KCNH1: variants seen among roughly 807,000 people sequenced by gnomAD.
KCNH1 encodes the protein potassium voltage-gated channel subfamily H member 1.
Under a neutral mutation model 69.2 loss-of-function variants are expected in KCNH1, and 27 were observed. The observed-to-expected ratio is 0.39, with a 90% CI of 0.29 to 0.54. The LOEUF is 0.54. KCNH1 is among the 20% of genes least tolerant of loss of function. The probability of loss-of-function intolerance (pLI) is 0.68; values close to 1 mark genes in which losing one functional copy is unlikely to be tolerated. For synonymous variants in KCNH1, 456 were observed against 487.7 expected, an observed-to-expected ratio of 0.93 and a Z score of 0.86; for missense variants, 798 against 1,261.6, an observed-to-expected ratio of 0.63 and a Z score of 5.57.
chr1:210,763,498 TG>T (rs1468258698), intron 10 of KCNH1, among the ~76,000 whole-genome samples: 2 of 151,848 alleles, frequency 1.3e-5, no homozygotes, highest in African/African-American at 4.8e-5. Context: ...CTCCTAAATT[TG>T]ATGACTTCAG....
At chr1:211,095,677 C>A (rs922544770) in intron 3 of KCNH1, among the ~76,000 whole-genome samples, 1 of 152,196 alleles carries the variant, frequency 6.6e-6, no homozygotes, top group Non-Finnish European at 1.5e-5. Flanking sequence ...ATGGAACAGA[C>A]CAAGCCACTG....
chr1:211,005,656 C>G (rs372056406), intron 6 of KCNH1, among the ~76,000 whole-genome samples: 2 of 151,956 alleles, frequency 1.3e-5, no homozygotes, highest in African/African-American at 4.8e-5. Context: ...ATAAAACTAG[C>G]GGAAGATTAT....
At chr1:211,010,184 T>G (rs1689368346) in intron 6 of KCNH1, among the ~76,000 whole-genome samples, 1 of 151,414 alleles carries the variant, frequency 6.6e-6, no homozygotes, top group African/African-American at 2.4e-5. Flanking sequence ...TGGAGAGGAG[T>G]TTGGCCAGGT....
intron 9 of KCNH1, among the ~76,000 whole-genome samples, chr1:210,796,472 G>C (rs17260830): frequency 0.17 from 26,545 of 152,036 alleles, 3,065 homozygotes; most frequent in Non-Finnish European, 0.26. Context: ...CCAATAAAGA[G>C]CTGTTGTCTA....
At position 210,688,182 on chromosome 1, in the gene KCNH1, A is replaced by G. The variant is rs554806022; in HGVS notation, c.2113-4044T>C. The stretch of plus-strand genomic sequence containing the variant: ...TTCTTAAGCCAGTTCCCCCAGATCC[A>G]CTCTTTTGAATGAAAGAACCCCGTC... On this transcript the variant is annotated intron_variant, in intron 10 of 10. Coordinates refer to ENST00000271751, the MANE Select transcript of KCNH1 (RefSeq NM_172362.3). Among the ~76,000 whole-genome samples the G allele has an allele frequency of 3.3e-5, 5 of 152,138 alleles. No homozygotes were observed. In the South Asian group the frequency reaches 1.0e-3, roughly 32 times the overall value.
At chr1:210,747,934 C>T (rs916558607) in intron 10 of KCNH1, among the ~76,000 whole-genome samples, 2 of 152,146 alleles carry the variant, frequency 1.3e-5, no homozygotes, top group African/African-American at 4.8e-5. Context: ...GATCCTTTGA[C>T]AGGGAACAAA....
intron 7 of KCNH1, among the ~76,000 whole-genome samples, chr1:210,849,366 T>TTTC (rs66672730): frequency 1.5e-3 from 103 of 66,718 alleles, no homozygotes; most frequent in Non-Finnish European, 9.7e-4. Flanking sequence ...TCTTTCTTTC[T>TTTC]TTTTTTTTTT....
At chr1:211,062,579 C>T (rs920649860) in intron 5 of KCNH1, among the ~76,000 whole-genome samples, 3 of 152,058 alleles carry the variant, frequency 2.0e-5, no homozygotes, top group African/African-American at 7.2e-5. Context: ...GGATTAATAA[C>T]CATAGTAATA....
At chr1:210,821,369 G>C (rs1281004393) in intron 7 of KCNH1, among the ~76,000 whole-genome samples, 2 of 152,164 alleles carry the variant, frequency 1.3e-5, no homozygotes, top group African/African-American at 4.8e-5. Context: ...ATTCTCTGTA[G>C]AGAATCCACT....
intron 10 of KCNH1, among the ~76,000 whole-genome samples, chr1:210,710,070 C>T (rs1465670044): frequency 6.6e-6 from 1 of 152,144 alleles, no homozygotes; most frequent in Non-Finnish European, 1.5e-5. Flanking sequence ...GATGGGATGG[C>T]CCACTATACT....
chr1:211,042,615 T>C (rs751730770), intron 5 of KCNH1, among the ~76,000 whole-genome samples: 31 of 152,144 alleles, frequency 2.0e-4, no homozygotes, highest in Non-Finnish European at 4.3e-4. Context: ...CCGGAACAAA[T>C]GGACTTAACA....
At chr1:210,946,337 C>T (rs1261367636) in intron 6 of KCNH1, among the ~76,000 whole-genome samples, 1 of 152,086 alleles carries the variant, frequency 6.6e-6, no homozygotes, top group East Asian at 1.9e-4. Context: ...ATCCATGCTG[C>T]CTTAGGGAGG....
chr1:210,746,149 G>C (rs1241779757), intron 10 of KCNH1, among the ~76,000 whole-genome samples: 1 of 152,142 alleles, frequency 6.6e-6, no homozygotes, highest in Non-Finnish European at 1.5e-5. Flanking sequence ...GAACTGTCAT[G>C]GTGGCCAGCT....
chr1:210,805,402 T>C (rs1023105106), intron 7 of KCNH1, among the ~76,000 whole-genome samples: 7 of 152,180 alleles, frequency 4.6e-5, no homozygotes, highest in African/African-American at 1.7e-4. Context: ...ATCAAAATAG[T>C]GAACATATCC....
chr1:210,931,842 T>TA (rs35667592), intron 6 of KCNH1, among the ~76,000 whole-genome samples: 56,031 of 141,662 alleles, frequency 0.4, 10,915 homozygotes, highest in Non-Finnish European at 0.44. Flanking sequence ...GTGAACGAAA[T>TA]AAAAAAAAAA....
chr1:210,864,016 C>T (rs998707841), intron 7 of KCNH1, among the ~76,000 whole-genome samples: 1 of 152,216 alleles, frequency 6.6e-6, no homozygotes, highest in African/African-American at 2.4e-5. Flanking sequence ...CCAACTGGAT[C>T]AGTGCAGGAT....
At chr1:210,743,772 C>G (rs1934632) in intron 10 of KCNH1, among the ~76,000 whole-genome samples, 70,470 of 152,008 alleles carry the variant, frequency 0.46, 16,782 homozygotes, top group East Asian at 0.7. Context: ...CATTGACCCC[C>G]AAAATATCAA....
chr1:210,692,251 T>C (rs1157846430), intron 10 of KCNH1, among the ~76,000 whole-genome samples: 1 of 152,196 alleles, frequency 6.6e-6, no homozygotes, highest in Admixed American at 6.5e-5. Context: ...TGGACATATC[T>C]ACTTTTGACA....
chr1:210,783,870 G>C (rs771573955), intron 9 of KCNH1, among the ~76,000 whole-genome samples: 1 of 152,114 alleles, frequency 6.6e-6, no homozygotes, highest in Non-Finnish European at 1.5e-5. Context: ...TGGTCCAGCG[G>C]GTCAGTACAA....
Sources: allele counts gnomAD v4.1 joint callset (sites outside exome capture counted in the v4.1 genomes callset), GRCh38; gene constraint gnomAD v4.1.1; transcripts MANE v1.5; gene names NCBI Gene and HGNC (gene_info 2026-07-23, HGNC 2026-07-21).